The following ZNF433 variants were observed in gnomAD, a reference collection of about 807,000 sequenced individuals.
ZNF433 encodes the protein zinc finger protein 433.
A neutral mutation model predicts 10.6 loss-of-function variants in ZNF433; 12 were observed. The observed-to-expected ratio is 1.13, with a 90% CI of 0.72 to 1.83. The LOEUF (loss-of-function observed/expected upper bound fraction) is 1.83. Among genes scored for constraint, ZNF433 ranks in the 40% most tolerant of loss-of-function variants. The pLI is 0.00. For missense variants in ZNF433, 737 were observed against 798.0 expected (o/e 0.92, Z 0.92); for synonymous variants, 272 against 271.3 (o/e 1.00, Z -0.02).
At chr19:12,022,218 C>A (rs1461167425) in intron 1 of ZNF433, 3 of 348,038 alleles carry the variant, frequency 8.6e-6, no homozygotes, top group Non-Finnish European at 1.8e-5. Context: ...CGTAAGTGAT[C>A]TCTGCCTTAA....
At chr19:12,034,072 T>C (rs1975162934) in intron 1 of ZNF433, among the ~76,000 whole-genome samples, 1 of 152,178 alleles carries the variant, frequency 6.6e-6, no homozygotes, top group Non-Finnish European at 1.5e-5. Flanking sequence ...ATGCCTATAG[T>C]ACTCTAAGAT....
intron 1 of ZNF433, among the ~76,000 whole-genome samples, chr19:12,035,132 C>G (rs1213347892): frequency 6.6e-6 from 1 of 152,152 alleles, no homozygotes; most frequent in Non-Finnish European, 1.5e-5. Flanking sequence ...TAATTGTTAA[C>G]GTGTCTCAGT....
At chr19:12,022,587 C>T (rs1242362498) in intron 1 of ZNF433, among the ~76,000 whole-genome samples, 1 of 152,138 alleles carries the variant, frequency 6.6e-6, no homozygotes, top group African/African-American at 2.4e-5. Context: ...TGGAACTAAG[C>T]TGGAGGACAC....
At chr19:12,023,020 C>T (rs1974570119) in intron 1 of ZNF433, among the ~76,000 whole-genome samples, 1 of 152,212 alleles carries the variant, frequency 6.6e-6, no homozygotes, top group Non-Finnish European at 1.5e-5. Flanking sequence ...ATACACCCCC[C>T]AGATCAACAG....
chr19:12,030,910 T>C (rs1271525472), intron 1 of ZNF433, among the ~76,000 whole-genome samples: 1 of 152,110 alleles, frequency 6.6e-6, no homozygotes, highest in Non-Finnish European at 1.5e-5. Context: ...ACCCCGTCTC[T>C]ATGAAAAATA....
chr19:12,031,294 CAA>C (rs536658747), intron 1 of ZNF433, among the ~76,000 whole-genome samples: 7 of 36,490 alleles, frequency 1.9e-4, no homozygotes, highest in African/African-American at 7.7e-4. Context: ...GACTCCATCT[CAA>C]AAAAAAAAAA....
At chr19:12,021,287 CCTT>C (rs149844377) in intron 1 of ZNF433, among the ~76,000 whole-genome samples, 4,199 of 152,188 alleles carry the variant, frequency 0.028, 109 homozygotes, top group Non-Finnish European at 0.044. Context: ...GGCCAGGACT[CCTT>C]CTTTGACCAA....
rs1974202692 is a variant in ZNF433, at chr19:12,016,406, A to C, written c.452T>G (p.Leu151Arg). The C allele has an allele frequency of 1.2e-6, 2 of 1,613,984 alleles. No homozygotes were observed. Among genetic ancestry groups the C allele is most frequent in the African/African-American group, 2.7e-5 (2 of 74,928 alleles). The change falls in exon 4 of 4, where the codon CTC becomes CGC. Residue 151 changes from leucine (L) to arginine (R), a missense_variant. Physicochemically the swap from Leu to Arg is moderately radical, Grantham distance 102. Coordinates refer to ENST00000550507, the MANE Select transcript of ZNF433 (RefSeq NM_001308348.2). ...CCTTTCATGTGTCTGAACAGAGGAG[A>C]GACAGTTGAAAGGTTTTTTACAGTA... ...CKYCKKPFNC[L>R]SSVQTHERAH... is the part of the protein sequence containing the mutation.
intron 1 of ZNF433, among the ~76,000 whole-genome samples, chr19:12,030,909 C>T (rs1167588837): frequency 1.3e-5 from 2 of 152,084 alleles, no homozygotes; most frequent in Non-Finnish European, 2.9e-5. Context: ...AACCCCGTCT[C>T]TATGAAAAAT....
chr19:12,029,358 T>G (rs1256476144), intron 1 of ZNF433, among the ~76,000 whole-genome samples: 1 of 151,302 alleles, frequency 6.6e-6, no homozygotes, highest in Non-Finnish European at 1.5e-5. Context: ...CCCTCTCTAC[T>G]AAAAATACAA....
Position 12,016,039 on chromosome 19 carries a change from G to T in ZNF433, c.819C>A (p.His273Gln), listed in dbSNP as rs1163555087. Reference sequence around the variant, plus strand: ...TACATTCATATGGCTTCTCCCCAGTGTGAGTTCTTTTATGAGCATGAAGGC... The same window carrying T: ...TACATTCATATGGCTTCTCCCCAGTTTGAGTTCTTTTATGAGCATGAAGGC... ...STCLHAHKRT[H>Q]TGEKPYECKQ... The change falls in exon 4 of 4, where the codon CAC becomes CAA. Residue 273 changes from histidine (H) to glutamine (Q), a missense_variant. By Grantham distance (24) the His-to-Gln change is conservative (BLOSUM62 0). Coordinates refer to ENST00000550507, the MANE Select transcript of ZNF433 (RefSeq NM_001308348.2). The T allele has an allele frequency of 6.8e-6, 11 of 1,614,012 alleles. No individual in the cohort carries two copies. The highest frequency in any genetic ancestry group is 1.7e-5 in the Admixed American group (1 of 59,994).
intron 1 of ZNF433, chr19:12,034,928 T>C (rs1975208904): frequency 1.3e-5 from 6 of 454,570 alleles, no homozygotes; most frequent in Admixed American, 1.2e-4. Context: ...ACTTCAGGCC[T>C]CCTGGGGTTG....
At chr19:12,016,957 G>T (rs1974238354) in intron 3 of ZNF433, among the ~76,000 whole-genome samples, 1 of 151,998 alleles carries the variant, frequency 6.6e-6, no homozygotes. Context: ...GGCCAGACTG[G>T]TCTTGAACTC....
chr19:12,026,573 GAC>G (rs1411862999), intron 1 of ZNF433: 4 of 400,600 alleles, frequency 1.0e-5, no homozygotes, highest in Non-Finnish European at 1.5e-5. Flanking sequence ...ATCACTCTAT[GAC>G]ACAGTTACAC....
chr19:12,016,624 C>A lies in ZNF433; in HGVS notation c.234G>T (p.Gln78His). 1 of 1,614,162 alleles carries A rather than the reference C, an allele frequency of 6.2e-7. No individual in the cohort carries two copies. The highest frequency in any genetic ancestry group is 1.1e-5 in the South Asian group (1 of 91,076). ...ERLFESKEGH[Q>H]HGEILTQVPD... The stretch of plus-strand genomic sequence containing the variant: ...GAACCTGGGTCAAAATTTCTCCATG[C>A]TGATGACCTTCTTTACTTTCAAAGA... Residue 78 changes from glutamine to histidine, a missense_variant, in exon 4 of 4, where the codon CAG becomes CAT. Coordinates refer to ENST00000550507, the MANE Select transcript of ZNF433 (RefSeq NM_001308348.2).
intron 3 of ZNF433, 129 bp from the exon 4 acceptor site, chr19:12,016,795 G>GT (rs1974228281): frequency 7.7e-7 from 1 of 1,293,070 alleles, no homozygotes; most frequent in African/African-American, 1.5e-5. Flanking sequence ...CCAGGCTGGA[G>GT]TGTAGTGGTG....
chr19:12,026,487 C>T, intron 1 of ZNF433: 1 of 338,026 alleles, frequency 3.0e-6, no homozygotes, highest in South Asian at 2.2e-5. Flanking sequence ...ATTCCTTCAA[C>T]AAGGGCTGAC....
chr19:12,017,920 G>C lies in ZNF433; in HGVS notation c.147C>G (p.Pro49=), dbSNP rs370540807. ...TTTCGTACTCTACATATATGTTCTG[G>C]GGTTTCCATTTTTTCCCTACAACAC... is the stretch of plus-strand genomic sequence containing the variant. ...NLASIGKKWK[P]QNIYVEYENL... is the part of the protein sequence containing the mutation. Residue 49 remains proline, a synonymous_variant, in exon 3 of 4, where the codon CCC becomes CCG. Transcript: ENST00000550507. 6.3e-7 allele frequency: 1 copy of C among 1,586,296 alleles called. No homozygotes were observed.
intron 1 of ZNF433, among the ~76,000 whole-genome samples, chr19:12,032,835 T>G (rs1485332258): frequency 6.6e-6 from 1 of 152,152 alleles, no homozygotes; most frequent in African/African-American, 2.4e-5. Flanking sequence ...TTTCTTATTT[T>G]GCAAGGTCTA....
Sources: allele counts gnomAD v4.1 joint callset (sites outside exome capture counted in the v4.1 genomes callset), GRCh38; gene constraint gnomAD v4.1.1; transcripts MANE v1.5; gene names NCBI Gene and HGNC (gene_info 2026-07-23, HGNC 2026-07-21).